Variants in ATOSA observed in about 807,000 individuals in gnomAD.
ATOSA encodes atos homolog A, also known as atos homolog protein A.
chr15:52,629,260 C>T, the ATOSA span, among the ~76,000 whole-genome samples: 1 of 151,994 alleles, frequency 6.6e-6, no homozygotes, highest in African/African-American at 2.4e-5. Flanking sequence ...AGATTATACC[C>T]CCTCCCCAAT....
chr15:52,666,686 T>A, the ATOSA span, among the ~76,000 whole-genome samples: 2 of 152,198 alleles, frequency 1.3e-5, no homozygotes, highest in Admixed American at 6.5e-5. Flanking sequence ...CATTCAACAC[T>A]AAACATTTAT....
chr15:52,645,057 G>A, the ATOSA span, among the ~76,000 whole-genome samples: 1 of 152,246 alleles, frequency 6.6e-6, no homozygotes, highest in African/African-American at 2.4e-5. Context: ...CTCTTCTCCA[G>A]AGGCAATGGG....
chr15:52,683,158 T>C, the ATOSA span, among the ~76,000 whole-genome samples: 1 of 152,206 alleles, frequency 6.6e-6, no homozygotes. Flanking sequence ...TAATGTCTTT[T>C]TAAAGAATAA....
chr15:52,674,689 T>A, the ATOSA span, among the ~76,000 whole-genome samples: 1 of 152,176 alleles, frequency 6.6e-6, no homozygotes, highest in South Asian at 2.1e-4. Context: ...GCCTTAGCAG[T>A]TTGAACACTA....
chr15:52,662,064 T>C, the ATOSA span, among the ~76,000 whole-genome samples: 5 of 151,924 alleles, frequency 3.3e-5, no homozygotes, highest in African/African-American at 1.2e-4. Flanking sequence ...AAGAGGTTGG[T>C]GATTATTCAC....
the ATOSA span, among the ~76,000 whole-genome samples, chr15:52,664,394 C>T: frequency 2.0e-5 from 3 of 152,184 alleles, no homozygotes; most frequent in Non-Finnish European, 2.9e-5. Context: ...AGCTGGTGCC[C>T]ACTTTGTGCC....
the ATOSA span, among the ~76,000 whole-genome samples, chr15:52,666,033 C>A: frequency 1.3e-5 from 2 of 151,968 alleles, no homozygotes; most frequent in African/African-American, 4.8e-5. Context: ...AAACACACAC[C>A]CCGCCCTGGC....
At chr15:52,640,571 C>CAAAAAAAAAAAAAAAAAAAAAAAAA in the ATOSA span, among the ~76,000 whole-genome samples, 5 of 27,570 alleles carry the variant, frequency 1.8e-4, 1 homozygote, top group South Asian at 3.6e-3. Flanking sequence ...ACTCAAGTCT[C>CAAAAAAAAAAAAAAAAAAAAAAAAA]AAAAAAAAAA....
the ATOSA span, among the ~76,000 whole-genome samples, chr15:52,665,564 T>C: frequency 6.6e-6 from 1 of 152,102 alleles, no homozygotes; most frequent in Non-Finnish European, 1.5e-5. Context: ...TTTTTTACCA[T>C]AATCAAAAAA....
the ATOSA span, among the ~76,000 whole-genome samples, chr15:52,610,830 A>G: frequency 6.6e-6 from 1 of 152,238 alleles, no homozygotes; most frequent in East Asian, 1.9e-4. Flanking sequence ...TAAGTCAAAC[A>G]TAAAAATTCA....
At chr15:52,697,983 TTTTTTTTTTG>T in the ATOSA span, among the ~76,000 whole-genome samples, 1 of 124,994 alleles carries the variant, frequency 8.0e-6, no homozygotes, top group African/African-American at 3.3e-5. Flanking sequence ...TTTTTTTTTT[TTTTTTTTTTG>T]TGAGACAGAG....
At chr15:52,675,825 G>C in the ATOSA span, among the ~76,000 whole-genome samples, 2 of 151,782 alleles carry the variant, frequency 1.3e-5, no homozygotes, top group African/African-American at 4.8e-5. Context: ...AGAATGGCGT[G>C]AACCCGGGAG....
chr15:52,662,099 G>A, the ATOSA span, among the ~76,000 whole-genome samples: 18 of 152,194 alleles, frequency 1.2e-4, no homozygotes, highest in African/African-American at 3.9e-4. Context: ...ACCAAGACTA[G>A]GAAACTGAGA....
the ATOSA span, among the ~76,000 whole-genome samples, chr15:52,646,237 G>A: frequency 6.6e-6 from 1 of 152,132 alleles, no homozygotes; most frequent in Non-Finnish European, 1.5e-5. Flanking sequence ...ACGGAAGACA[G>A]GTCTTTTTAA....
the ATOSA span, among the ~76,000 whole-genome samples, chr15:52,671,710 G>A: frequency 6.6e-6 from 1 of 152,018 alleles, no homozygotes; most frequent in African/African-American, 2.4e-5. Flanking sequence ...GGATAGGGTA[G>A]TGAGAGAAAA....
the ATOSA span, among the ~76,000 whole-genome samples, chr15:52,646,794 T>A: frequency 6.6e-6 from 1 of 152,204 alleles, no homozygotes; most frequent in South Asian, 2.1e-4. Context: ...TAATTTATGA[T>A]CCTCTTTGGT....
chr15:52,618,056 T>TC, the ATOSA span, among the ~76,000 whole-genome samples: 1 of 151,498 alleles, frequency 6.6e-6, no homozygotes, highest in South Asian at 2.1e-4. Context: ...CCTTTTTTTT[T>TC]GAGATGGAGT....
chr15:52,704,024 T>C, the ATOSA span, among the ~76,000 whole-genome samples: 3 of 152,080 alleles, frequency 2.0e-5, no homozygotes, highest in Non-Finnish European at 1.5e-5. Flanking sequence ...TACCTTTTTA[T>C]AGGAAATAAG....
the ATOSA span, among the ~76,000 whole-genome samples, chr15:52,638,334 C>T: frequency 6.6e-6 from 1 of 152,144 alleles, no homozygotes; most frequent in African/African-American, 2.4e-5. Flanking sequence ...CTATAACATG[C>T]CAGAAAAAAT....
Sources: gnomAD v4.1 joint callset for allele counts (sites outside exome capture counted in the v4.1 genomes callset) on GRCh38, gnomAD v4.1.1 for gene constraint, MANE v1.5 for transcripts, NCBI Gene and HGNC (gene_info 2026-07-23, HGNC 2026-07-21) for gene names.